Variants in FRMD3 observed in about 807,000 individuals in gnomAD.
The protein encoded by FRMD3 is FERM domain containing 3, also known as FERM domain-containing protein 3.
A neutral mutation model predicts 70.2 loss-of-function variants in FRMD3; 33 were observed. The ratio of observed to expected loss-of-function variants is 0.47; its 90% CI spans 0.36 to 0.63. The LOEUF (loss-of-function observed/expected upper bound fraction) is 0.63. FRMD3 is among the 20% of genes least tolerant of loss of function. FRMD3 has a pLI of 0.00. For missense variants in FRMD3, 632 were observed against 711.4 expected (o/e 0.89, Z 1.27); for synonymous variants, 279 against 255.9 (o/e 1.09, Z -0.86).
intron 1 of FRMD3, among the ~76,000 whole-genome samples, chr9:83,440,889 G>T (rs1407764292): frequency 6.6e-6 from 1 of 151,968 alleles, no homozygotes; most frequent in Admixed American, 6.6e-5. Flanking sequence ...GCTGCATTCT[G>T]GTTCTCCTCT....
chr9:83,389,549 C>T, intron 2 of FRMD3, 55 bp downstream of exon 2: 6 of 1,133,552 alleles, frequency 5.3e-6, no homozygotes, highest in Admixed American at 5.1e-5. Context: ...CCCCACAGTG[C>T]ACCACAGTCT....
chr9:83,318,602 G>A (rs1013016876), intron 6 of FRMD3, among the ~76,000 whole-genome samples: 1 of 152,070 alleles, frequency 6.6e-6, no homozygotes, highest in Non-Finnish European at 1.5e-5. Context: ...ACATATGAGT[G>A]CCGGTATCTC....
At position 83,390,983 on chromosome 9, in the gene FRMD3, G is replaced by GA. The variant is rs556483571; in HGVS notation, c.148-1276dup. Reference sequence around the variant, plus strand: ...CCATTGACTACTCAAGACCTTGAGAGAAAAAAATGCTGCTGCAGACAATGC... The same window carrying GA: ...CCATTGACTACTCAAGACCTTGAGAGAAAAAAAATGCTGCTGCAGACAATGC... On this transcript the variant is annotated intron_variant, in intron 1 of 13. Coordinates refer to ENST00000304195, the MANE Select transcript of FRMD3 (RefSeq NM_174938.6). 3.0e-3 allele frequency among the ~76,000 whole-genome samples: 455 copies of GA among 152,298 alleles called. 1 individual carries two copies. Among genetic ancestry groups the GA allele is most frequent in the African/African-American group, 0.01 (430 of 41,556 alleles).
At chr9:83,540,650 C>CAAT (rs1368056321), upstream of FRMD3, among the ~76,000 whole-genome samples, 1 of 151,758 alleles carries the variant, frequency 6.6e-6, no homozygotes, top group Non-Finnish European at 1.5e-5. Context: ...CCATTGTCAA[C>CAAT]AATAATAATA....
chr9:83,346,143 C>T (rs1357673500), intron 4 of FRMD3, among the ~76,000 whole-genome samples: 3 of 151,176 alleles, frequency 2.0e-5, no homozygotes, highest in Admixed American at 6.6e-5. Flanking sequence ...GTAATCCTAG[C>T]TACTTGGGAG....
chr9:83,506,843 T>A (rs1038855876), intron 1 of FRMD3, among the ~76,000 whole-genome samples: 3 of 152,254 alleles, frequency 2.0e-5, no homozygotes, highest in African/African-American at 7.2e-5. Flanking sequence ...CAGCTGCACA[T>A]AATATTTTCT....
At chr9:83,501,558 C>G (rs1829069550) in intron 1 of FRMD3, among the ~76,000 whole-genome samples, 1 of 152,150 alleles carries the variant, frequency 6.6e-6, no homozygotes, top group Non-Finnish European at 1.5e-5. Context: ...ATATAATTAC[C>G]TACATTTTTC....
intron 6 of FRMD3, among the ~76,000 whole-genome samples, chr9:83,315,778 G>A (rs1486462739): frequency 6.6e-6 from 1 of 152,148 alleles, no homozygotes; most frequent in East Asian, 1.9e-4. Flanking sequence ...CTTGACTGGG[G>A]GCCGAAGGTT....
chr9:83,518,170 G>A (rs1054254113), intron 1 of FRMD3, among the ~76,000 whole-genome samples: 3 of 152,106 alleles, frequency 2.0e-5, no homozygotes, highest in Non-Finnish European at 4.4e-5. Context: ...AATAAAGCAT[G>A]TTCAAATTGG....
At chr9:83,311,589 A>G (rs1472118459) in intron 8 of FRMD3, among the ~76,000 whole-genome samples, 6 of 152,140 alleles carry the variant, frequency 3.9e-5, no homozygotes, top group Non-Finnish European at 8.8e-5. Context: ...CCCTGCCCTG[A>G]CCCATCCGTG....
chr9:83,390,684 G>T (rs4478644), intron 1 of FRMD3, among the ~76,000 whole-genome samples: 110,460 of 152,106 alleles, frequency 0.73, 40,453 homozygotes, highest in African/African-American at 0.78. Flanking sequence ...AATCTCTTCA[G>T]AGCAAAGACC....
At chr9:83,251,510 G>A (rs1334185638) in intron 13 of FRMD3, among the ~76,000 whole-genome samples, 1 of 152,208 alleles carries the variant, frequency 6.6e-6, no homozygotes, top group East Asian at 1.9e-4. Context: ...ACTGGGCTAA[G>A]GCTGAGATGG....
intron 12 of FRMD3, among the ~76,000 whole-genome samples, chr9:83,291,882 G>A (rs917174886): frequency 2.6e-5 from 4 of 152,190 alleles, no homozygotes; most frequent in Admixed American, 6.5e-5. Context: ...GAGTGTTTCT[G>A]TTGGGCAGCA....
intron 1 of FRMD3, among the ~76,000 whole-genome samples, chr9:83,403,854 C>A (rs540546967): frequency 6.6e-6 from 1 of 152,098 alleles, no homozygotes; most frequent in African/African-American, 2.4e-5. Flanking sequence ...GCTAATTCCT[C>A]CAAGCTACTT....
the FRMD3 span, among the ~76,000 whole-genome samples, chr9:83,549,740 A>G: frequency 6.6e-6 from 1 of 152,048 alleles, no homozygotes; most frequent in Non-Finnish European, 1.5e-5. Flanking sequence ...TTGGCCACAT[A>G]TATGTCTTCT....
chr9:83,369,222 A>G (rs1280243644), intron 3 of FRMD3, among the ~76,000 whole-genome samples: 1 of 152,216 alleles, frequency 6.6e-6, no homozygotes, highest in Non-Finnish European at 1.5e-5. Flanking sequence ...TGTTTATTGC[A>G]GTACACTTTA....
intron 1 of FRMD3, among the ~76,000 whole-genome samples, chr9:83,439,245 G>C (rs542643646): frequency 6.6e-6 from 1 of 152,360 alleles, no homozygotes; most frequent in South Asian, 2.1e-4. Context: ...GTCCATACAG[G>C]CTCCAGAGAG....
rs556435210 is a variant in FRMD3, at chr9:83,439,486, G to A, written c.148-49778C>T. On this transcript the variant is annotated intron_variant, in intron 1 of 13. Coordinates refer to ENST00000304195, the MANE Select transcript of FRMD3 (RefSeq NM_174938.6). ...GGTTACAGCCAACTGGATGGTTACA[G>A]AACTCCAAAGCACCTATCCTCCTAA... is the stretch of plus-strand genomic sequence containing the variant. Among the ~76,000 whole-genome samples the A allele has an allele frequency of 3.9e-5, 6 of 152,344 alleles. No individual in the cohort carries two copies. The South Asian group carries it at 1.0e-3, about 26-fold the overall frequency.
chr9:83,336,434 G>A (rs12375872), intron 5 of FRMD3, among the ~76,000 whole-genome samples: 8,193 of 151,040 alleles, frequency 0.054, 440 homozygotes, highest in East Asian at 0.25. Flanking sequence ...GACATTCCTC[G>A]GGGTTCCATT....
Sources: gnomAD v4.1 joint callset for allele counts (sites outside exome capture counted in the v4.1 genomes callset) on GRCh38, gnomAD v4.1.1 for gene constraint, MANE v1.5 for transcripts, NCBI Gene and HGNC (gene_info 2026-07-23, HGNC 2026-07-21) for gene names.